Variants in ZDHHC24 observed in about 807,000 individuals in gnomAD.
ZDHHC24 encodes the protein probable palmitoyltransferase ZDHHC24.
In ZDHHC24, 17 loss-of-function variants were observed where a neutral mutation model predicts 23.2. That is an observed-to-expected ratio of 0.73 (90% CI 0.50 to 1.10). The LOEUF (loss-of-function observed/expected upper bound fraction) is 1.10. ZDHHC24 is among the 50% of genes least tolerant of loss of function. The pLI is 0.00. For missense variants in ZDHHC24, 366 were observed against 393.0 expected, an observed-to-expected ratio of 0.93 and a Z score of 0.58; for synonymous variants, 186 against 194.5, an observed-to-expected ratio of 0.96 and a Z score of 0.36.
intron 2 of ZDHHC24, among the ~76,000 whole-genome samples, chr11:66,543,106 A>G (rs1003601840): frequency 4.6e-5 from 7 of 152,174 alleles, no homozygotes; most frequent in Non-Finnish European, 7.4e-5. Flanking sequence ...GAGAACAAAG[A>G]GTAAAAAGGA....
chr11:66,531,646 C>G (rs1474164549), downstream of ZDHHC24: 3 of 1,614,108 alleles, frequency 1.9e-6, no homozygotes, highest in Non-Finnish European at 2.5e-6. Context: ...TTCTTTGTCC[C>G]CAAACTTAGG....
At chr11:66,522,239 T>C (rs1406525663) in intron 4 of ZDHHC24, among the ~76,000 whole-genome samples, 2 of 150,396 alleles carry the variant, frequency 1.3e-5, no homozygotes, top group African/African-American at 4.9e-5. Context: ...AGGAAACAGA[T>C]GGGAAGAAAT....
downstream of ZDHHC24, among the ~76,000 whole-genome samples, chr11:66,534,676 A>T (rs1565292831): frequency 1.3e-5 from 2 of 151,592 alleles, no homozygotes; most frequent in African/African-American, 4.8e-5. Flanking sequence ...GATTTTTTTC[A>T]TTTATTTTAT....
intron 3 of ZDHHC24, chr11:66,527,198 C>T (rs74491182): frequency 0.079 from 44,031 of 557,664 alleles, 2,506 homozygotes; most frequent in East Asian, 0.11. Flanking sequence ...CATAATGATA[C>T]TTCTTTCTCA....
At chr11:66,524,279 T>TAAAA in intron 4 of ZDHHC24, 1 of 281,768 alleles carries the variant, frequency 3.5e-6, no homozygotes, top group South Asian at 3.2e-5. Flanking sequence ...GACTCCATCT[T>TAAAA]AAAAAAAAAA....
chr11:66,524,731 A>G (rs1191789903), intron 4 of ZDHHC24, among the ~76,000 whole-genome samples: 1 of 152,192 alleles, frequency 6.6e-6, no homozygotes, highest in Non-Finnish European at 1.5e-5. Flanking sequence ...GTAGATCACA[A>G]CCAGCAACAT....
At chr11:66,525,281 C>T (rs997308206) in intron 4 of ZDHHC24, among the ~76,000 whole-genome samples, 1 of 151,696 alleles carries the variant, frequency 6.6e-6, no homozygotes, top group South Asian at 2.1e-4. Context: ...ATCACTTGAA[C>T]CTGGGAGGCA....
chr11:66,531,820 C>T, downstream of ZDHHC24: 1 of 1,611,534 alleles, frequency 6.2e-7, no homozygotes, highest in Non-Finnish European at 8.5e-7. Context: ...CAACAAAGAC[C>T]TTAGGGGGCT....
At chr11:66,531,883 G>T, downstream of ZDHHC24, 1 of 1,581,992 alleles carries the variant, frequency 6.3e-7, no homozygotes. Flanking sequence ...CCTGTCATTA[G>T]GGCCAGCGCA....
downstream of ZDHHC24, chr11:66,532,242 AG>A (rs930366896): frequency 1.7e-6 from 1 of 599,700 alleles, no homozygotes; most frequent in African/African-American, 1.9e-5. Context: ...CTCCTCCCAC[AG>A]CACCAACCCA....
chr11:66,528,050 G>A (rs1856597442), intron 3 of ZDHHC24, among the ~76,000 whole-genome samples: 1 of 152,092 alleles, frequency 6.6e-6, no homozygotes. Flanking sequence ...GGCCAACATG[G>A]TGAAACCCCC....
chr11:66,523,663 G>A (rs905064850), intron 4 of ZDHHC24: 31 of 1,610,586 alleles, frequency 1.9e-5, no homozygotes, highest in Non-Finnish European at 2.6e-5. Flanking sequence ...CCCCACCCCA[G>A]AAACCGTTCT....
At chr11:66,530,401 C>T (rs1048969562) in intron 2 of ZDHHC24, among the ~76,000 whole-genome samples, 1 of 152,072 alleles carries the variant, frequency 6.6e-6, no homozygotes, top group East Asian at 1.9e-4. Flanking sequence ...GGAGGAACCC[C>T]GCAAGGCTCA....
rs548709133 is a variant in ZDHHC24, at chr11:66,540,655, G to A, written c.560-831C>T. The stretch of plus-strand genomic sequence containing the variant: ...AGGCAGGATAATCGCTTGAACCCGG[G>A]AGGTGGAGGCTGCAGTGAGCCAAGA... On this transcript the variant is annotated intron_variant, in intron 2 of 2. Coordinates refer to ENST00000310442, the MANE Select transcript of ZDHHC24 (RefSeq NM_207340.3). Among the ~76,000 whole-genome samples, 3 of 151,934 alleles carry A rather than the reference G, an allele frequency of 2.0e-5. No individual in the cohort carries two copies. In the South Asian group the frequency reaches 6.2e-4, roughly 32 times the overall value.
chr11:66,523,221 T>C (rs1856318769), intron 4 of ZDHHC24: 4 of 643,204 alleles, frequency 6.2e-6, no homozygotes, highest in Non-Finnish European at 1.1e-5. Context: ...CAAGACACCA[T>C]AGTGAAGGTG....
chr11:66,520,814 A>T (rs56380786), downstream of ZDHHC24: 1 of 258,318 alleles, frequency 3.9e-6, no homozygotes, highest in Non-Finnish European at 7.7e-6. Context: ...GCTTACTGCA[A>T]CCTATGCCAC....
intron 4 of ZDHHC24, among the ~76,000 whole-genome samples, chr11:66,525,181 C>T (rs372266366): frequency 3.5e-4 from 49 of 141,368 alleles, no homozygotes; most frequent in African/African-American, 1.2e-3. Context: ...GCCTGGGTGA[C>T]AGAGCGAGAC....
At chr11:66,540,395 C>G (rs1857116064) in intron 2 of ZDHHC24, among the ~76,000 whole-genome samples, 1 of 144,276 alleles carries the variant, frequency 6.9e-6, no homozygotes, top group Non-Finnish European at 1.5e-5. Flanking sequence ...CCACTGCACT[C>G]CAGCATGGGC....
chr11:66,539,747 C>G lies in ZDHHC24; in HGVS notation c.637G>C (p.Gly213Arg), dbSNP rs749734201. The change falls in exon 3 of 3, where the codon GGG becomes CGG. Residue 213 changes from glycine (G) to arginine (R), a missense_variant. Gly to Arg is a moderately radical substitution (Grantham distance 125, BLOSUM62 -2). Transcript: ENST00000310442. ...CVAGALLCGA[G>R]LLFHGMLLLR... ...AGCAGCATCCCATGGAAGAGCAGCC[C>G]AGCCCCGCACAGCAGCGCACCCGCC... 1 of 1,613,048 alleles carries G rather than the reference C, an allele frequency of 6.2e-7. No individual in the cohort carries two copies. The highest frequency in any genetic ancestry group is 1.3e-5 in the African/African-American group (1 of 74,940).
Sources: allele counts gnomAD v4.1 joint callset (sites outside exome capture counted in the v4.1 genomes callset), GRCh38; gene constraint gnomAD v4.1.1; transcripts MANE v1.5; gene names NCBI Gene and HGNC (gene_info 2026-07-23, HGNC 2026-07-21).